The following STXBP5L variants were observed in gnomAD, a reference collection of about 807,000 sequenced individuals.
The protein encoded by STXBP5L is syntaxin binding protein 5L.
Under a neutral mutation model 144.5 loss-of-function variants are expected in STXBP5L, and 65 were observed. The ratio of observed to expected loss-of-function variants is 0.45; its 90% CI spans 0.37 to 0.55. The LOEUF (loss-of-function observed/expected upper bound fraction) is 0.55. STXBP5L is among the 20% of genes least tolerant of loss of function. The pLI is 0.00. For missense variants in STXBP5L, 1,298 were observed against 1,405.5 expected (o/e 0.92, Z 1.22); for synonymous variants, 505 against 469.6 (o/e 1.08, Z -0.97).
At chr3:121,100,381 T>C (rs1447227671) in intron 5 of STXBP5L, among the ~76,000 whole-genome samples, 1 of 152,022 alleles carries the variant, frequency 6.6e-6, no homozygotes, top group Non-Finnish European at 1.5e-5. Context: ...TCAAACAAAC[T>C]GAAATCATAT....
At chr3:121,125,431 A>G (rs1480786220) in intron 7 of STXBP5L, among the ~76,000 whole-genome samples, 1 of 152,080 alleles carries the variant, frequency 6.6e-6, no homozygotes, top group East Asian at 1.9e-4. Context: ...ACATTATGCC[A>G]CTGCATTCCA....
intron 9 of STXBP5L, among the ~76,000 whole-genome samples, chr3:121,186,020 G>T (rs1457351538): frequency 1.3e-5 from 2 of 152,118 alleles, no homozygotes; most frequent in Non-Finnish European, 1.5e-5. Context: ...CATGTCCCTT[G>T]TAAGTTGGAT....
chr3:121,054,184 G>T (rs374190558), intron 5 of STXBP5L, among the ~76,000 whole-genome samples: 2 of 152,140 alleles, frequency 1.3e-5, no homozygotes, highest in African/African-American at 4.8e-5. Flanking sequence ...TCAGTGTGGC[G>T]ATTCCTCAGG....
At chr3:121,113,666 C>CTTTTTTTTTTTT (rs1273804231) in intron 5 of STXBP5L, among the ~76,000 whole-genome samples, 1 of 132,902 alleles carries the variant, frequency 7.5e-6, no homozygotes, top group African/African-American at 2.8e-5. Flanking sequence ...ATTCTTTTTT[C>CTTTTTTTTTTTT]TTTTTCTTTT....
At chr3:121,059,880 A>G (rs1186005391) in intron 5 of STXBP5L, among the ~76,000 whole-genome samples, 2 of 152,272 alleles carry the variant, frequency 1.3e-5, no homozygotes, top group Admixed American at 6.5e-5. Context: ...GGCTGAGACT[A>G]TGGGGTTTTC....
intron 22 of STXBP5L, among the ~76,000 whole-genome samples, chr3:121,391,303 T>A (rs1188333057): frequency 3.9e-5 from 6 of 152,164 alleles, no homozygotes; most frequent in Admixed American, 3.9e-4. Context: ...TTTTTCAAGC[T>A]TTTTACCTTC....
At chr3:121,082,173 G>A (rs1366610329) in intron 5 of STXBP5L, among the ~76,000 whole-genome samples, 11 of 152,038 alleles carry the variant, frequency 7.2e-5, no homozygotes, top group Non-Finnish European at 1.5e-4. Flanking sequence ...TAATTTGATA[G>A]GAATTACATT....
chr3:121,091,562 C>T (rs1478330439), intron 5 of STXBP5L, among the ~76,000 whole-genome samples: 2 of 152,156 alleles, frequency 1.3e-5, no homozygotes, highest in Non-Finnish European at 2.9e-5. Context: ...TGTTTTTTGG[C>T]TGCATAAATG....
At chr3:121,094,162 T>C (rs531124432) in intron 5 of STXBP5L, among the ~76,000 whole-genome samples, 6 of 152,350 alleles carry the variant, frequency 3.9e-5, no homozygotes, top group South Asian at 2.1e-4. Flanking sequence ...TCTGTTCTTT[T>C]ACATTTGCTG....
At chr3:121,359,535 G>A (rs939107002) in intron 20 of STXBP5L, among the ~76,000 whole-genome samples, 2 of 152,072 alleles carry the variant, frequency 1.3e-5, no homozygotes, top group Non-Finnish European at 2.9e-5. Flanking sequence ...CCAGACCAAT[G>A]TCCTAGAGAT....
chr3:120,990,022 C>T (rs1457108121), intron 3 of STXBP5L, among the ~76,000 whole-genome samples: 1 of 152,080 alleles, frequency 6.6e-6, no homozygotes. Flanking sequence ...CAAATTGTCC[C>T]TGTTTGCAGA....
intron 3 of STXBP5L, among the ~76,000 whole-genome samples, chr3:121,004,016 T>A (rs1321005651): frequency 6.6e-6 from 1 of 152,130 alleles, no homozygotes; most frequent in Non-Finnish European, 1.5e-5. Context: ...TGGCTTAGGA[T>A]TGACTTGGCA....
At chr3:121,316,604 G>A (rs995243959) in intron 19 of STXBP5L, among the ~76,000 whole-genome samples, 1 of 152,082 alleles carries the variant, frequency 6.6e-6, no homozygotes, top group Non-Finnish European at 1.5e-5. Flanking sequence ...TGGTAGGTGG[G>A]AAAACGATAA....
intron 3 of STXBP5L, among the ~76,000 whole-genome samples, chr3:120,979,080 T>A (rs1251633314): frequency 6.6e-6 from 1 of 152,244 alleles, no homozygotes; most frequent in Non-Finnish European, 1.5e-5. Context: ...TTCAAAGCTG[T>A]CAGACAGGGA....
At chr3:121,369,559 G>C (rs1369703589) in intron 20 of STXBP5L, among the ~76,000 whole-genome samples, 2 of 149,776 alleles carry the variant, frequency 1.3e-5, no homozygotes, top group Non-Finnish European at 2.9e-5. Context: ...GTGGTGTCGT[G>C]GTTCTTTGAT....
chr3:121,206,789 G>A (rs1024536783), intron 10 of STXBP5L, among the ~76,000 whole-genome samples: 1 of 152,154 alleles, frequency 6.6e-6, no homozygotes, highest in Admixed American at 6.5e-5. Flanking sequence ...CCTTCAACCT[G>A]TGCAACAGAG....
intron 20 of STXBP5L, among the ~76,000 whole-genome samples, chr3:121,353,047 G>A (rs1254882078): frequency 6.6e-6 from 1 of 152,136 alleles, no homozygotes; most frequent in Admixed American, 6.5e-5. Context: ...TGATCGTGTT[G>A]GATAAGCTTT....
At chr3:121,179,223 T>C (rs1217172955) in intron 9 of STXBP5L, among the ~76,000 whole-genome samples, 1 of 151,898 alleles carries the variant, frequency 6.6e-6, no homozygotes, top group Non-Finnish European at 1.5e-5. Context: ...TCCAATTCCA[T>C]AGGAGACAGT....
intron 5 of STXBP5L, among the ~76,000 whole-genome samples, chr3:121,111,855 C>A (rs2044002221): frequency 6.6e-6 from 1 of 151,828 alleles, no homozygotes; most frequent in Non-Finnish European, 1.5e-5. Context: ...TGGAGAGAGA[C>A]CATGGCTGCC....
Sources: allele counts gnomAD v4.1 joint callset (sites outside exome capture counted in the v4.1 genomes callset), GRCh38; gene constraint gnomAD v4.1.1; transcripts MANE v1.5; gene names NCBI Gene and HGNC (gene_info 2026-07-23, HGNC 2026-07-21).